NARS2: variants seen among roughly 807,000 people sequenced by gnomAD.
NARS2 encodes asparaginyl-tRNA synthetase 2, mitochondrial, also known as asparaginyl-tRNA synthetase.
In NARS2, 60 loss-of-function variants were observed where a neutral mutation model predicts 62.9. The ratio of observed to expected loss-of-function variants is 0.95; its 90% CI spans 0.77 to 1.18. The LOEUF is 1.18. NARS2 is among the 50% of genes most tolerant of loss of function. The pLI is 0.00. For synonymous variants in NARS2, 196 were observed against 200.0 expected (o/e 0.98, Z 0.17); for missense variants, 619 against 576.4 (o/e 1.07, Z -0.76).
At chr11:78,450,065 A>G (rs779269034) in intron 11 of NARS2, among the ~76,000 whole-genome samples, 4 of 152,216 alleles carry the variant, frequency 2.6e-5, no homozygotes, top group Non-Finnish European at 4.4e-5. Flanking sequence ...TCCTCGACCA[A>G]TGCAAGTCAT....
At chr11:78,481,435 G>C (rs950267457) in intron 7 of NARS2, among the ~76,000 whole-genome samples, 2 of 152,096 alleles carry the variant, frequency 1.3e-5, no homozygotes, top group African/African-American at 2.4e-5. Context: ...ACATTGGGAG[G>C]AATAAAGAGC....
At chr11:78,454,906 C>G (rs571946322) in intron 11 of NARS2, among the ~76,000 whole-genome samples, 1 of 152,106 alleles carries the variant, frequency 6.6e-6, no homozygotes, top group Non-Finnish European at 1.5e-5. Context: ...CATGAGCCAC[C>G]GTGCCCAGCC....
intron 9 of NARS2, among the ~76,000 whole-genome samples, chr11:78,476,685 G>C (rs1316937762): frequency 1.3e-5 from 2 of 152,226 alleles, no homozygotes; most frequent in East Asian, 3.8e-4. Context: ...CTGCAACTAT[G>C]ATTTGTAGTA....
intron 11 of NARS2, among the ~76,000 whole-genome samples, chr11:78,459,232 T>A (rs934200091): frequency 6.9e-6 from 1 of 144,962 alleles, no homozygotes; most frequent in African/African-American, 2.7e-5. Context: ...GATCTGATGG[T>A]GGTTTTTTTT....
chr11:78,500,621 G>C (rs551302664), intron 6 of NARS2, among the ~76,000 whole-genome samples: 1 of 152,230 alleles, frequency 6.6e-6, no homozygotes, highest in South Asian at 2.1e-4. Context: ...CCACAAGCAT[G>C]TGCCACCAAG....
At chr11:78,473,848 A>AT (rs1432843089) in intron 9 of NARS2, among the ~76,000 whole-genome samples, 1 of 152,180 alleles carries the variant, frequency 6.6e-6, no homozygotes, top group East Asian at 1.9e-4. Flanking sequence ...CTTTGTGTGT[A>AT]TATCTGTGCA....
At chr11:78,441,710 CAAA>C (rs773790665) in intron 12 of NARS2, among the ~76,000 whole-genome samples, 1 of 127,368 alleles carries the variant, frequency 7.9e-6, no homozygotes, top group Non-Finnish European at 1.7e-5. Context: ...GACTCCATCT[CAAA>C]AAAAAAAAAA....
intron 6 of NARS2, among the ~76,000 whole-genome samples, chr11:78,513,346 C>CT (rs71046977): frequency 0.078 from 11,123 of 142,034 alleles, 1,347 homozygotes; most frequent in African/African-American, 0.27. Context: ...TTCACTCTTT[C>CT]TTTTTTTTTT....
At chr11:78,470,516 CTAA>C (rs1288997853) in intron 9 of NARS2, among the ~76,000 whole-genome samples, 1 of 152,116 alleles carries the variant, frequency 6.6e-6, no homozygotes, top group African/African-American at 2.4e-5. Context: ...TCTTTCACAC[CTAA>C]TTTTACTAAT....
intron 6 of NARS2, among the ~76,000 whole-genome samples, chr11:78,509,838 A>AAAAAAAAAAG (rs1555027144): frequency 4.0e-5 from 6 of 151,018 alleles, no homozygotes; most frequent in Admixed American, 2.0e-4. Flanking sequence ...AAAAAAAAAA[A>AAAAAAAAAAG]AAAAGAAAAG....
intron 4 of NARS2, among the ~76,000 whole-genome samples, chr11:78,564,329 G>A (rs1327443407): frequency 6.6e-6 from 1 of 152,078 alleles, no homozygotes; most frequent in Non-Finnish European, 1.5e-5. Context: ...CTGAGTAGGT[G>A]GGACTATAGG....
chr11:78,553,391 C>T (rs529130420), intron 5 of NARS2, among the ~76,000 whole-genome samples: 65 of 152,034 alleles, frequency 4.3e-4, no homozygotes, highest in Non-Finnish European at 6.0e-4. Flanking sequence ...CGGGTTCAAG[C>T]GATTCTTCTG....
At chr11:78,455,371 T>C (rs1321326503) in intron 11 of NARS2, among the ~76,000 whole-genome samples, 1 of 152,210 alleles carries the variant, frequency 6.6e-6, no homozygotes, top group East Asian at 1.9e-4. Flanking sequence ...AAGTGTGTAA[T>C]TCCCTTTTAA....
At chr11:78,486,513 A>G (rs991675942) in intron 7 of NARS2, among the ~76,000 whole-genome samples, 1 of 152,236 alleles carries the variant, frequency 6.6e-6, no homozygotes, top group African/African-American at 2.4e-5. Flanking sequence ...GAAAGACTCA[A>G]ATAGCACAGC....
chr11:78,473,482 A>G (rs1273410456), intron 9 of NARS2, among the ~76,000 whole-genome samples: 2 of 152,196 alleles, frequency 1.3e-5, no homozygotes, highest in African/African-American at 4.8e-5. Flanking sequence ...TGAGAATATC[A>G]TGCCACTTGG....
chr11:78,483,411 A>G (rs1859441142), intron 7 of NARS2, among the ~76,000 whole-genome samples: 1 of 152,222 alleles, frequency 6.6e-6, no homozygotes, highest in Non-Finnish European at 1.5e-5. Flanking sequence ...AAAGAAATAA[A>G]TAAAGGGTAT....
chr11:78,481,032 G>A (rs1859331353), intron 7 of NARS2, among the ~76,000 whole-genome samples: 1 of 151,984 alleles, frequency 6.6e-6, no homozygotes, highest in Admixed American at 6.6e-5. Flanking sequence ...TGTTGGCCAG[G>A]CTGGTCTCTA....
chr11:78,511,967 A>C (rs1409587410), intron 6 of NARS2, among the ~76,000 whole-genome samples: 2 of 152,240 alleles, frequency 1.3e-5, no homozygotes, highest in African/African-American at 4.8e-5. Flanking sequence ...TCTTGTTCCA[A>C]CTATTGTATA....
At chr11:78,509,826 C>CAAAAAAAAAAAAAA (rs71046976) in intron 6 of NARS2, among the ~76,000 whole-genome samples, 1 of 116,736 alleles carries the variant, frequency 8.6e-6, no homozygotes. Context: ...GACTCTGTCT[C>CAAAAAAAAAAAAAA]AAAAAAAAAA....
Sources: gnomAD v4.1 joint callset for allele counts (sites outside exome capture counted in the v4.1 genomes callset) on GRCh38, gnomAD v4.1.1 for gene constraint, MANE v1.5 for transcripts, NCBI Gene and HGNC (gene_info 2026-07-23, HGNC 2026-07-21) for gene names.